The following FBXL17 variants were observed in gnomAD, a reference collection of about 807,000 sequenced individuals.
FBXL17 encodes the protein F-box/LRR-repeat protein 17.
In FBXL17, 22 loss-of-function variants were observed where a neutral mutation model predicts 66.2. The ratio of observed to expected loss-of-function variants is 0.33; its 90% CI spans 0.24 to 0.47. FBXL17 has a LOEUF of 0.47. FBXL17 is among the 20% of genes least tolerant of loss of function. The pLI is 1.00. For missense variants in FBXL17, 878 were observed against 948.2 expected (o/e 0.93, Z 0.97); for synonymous variants, 474 against 400.5 (o/e 1.18, Z -2.19).
At chr5:108,194,009 C>A (rs1753576016) in intron 5 of FBXL17, among the ~76,000 whole-genome samples, 1 of 152,084 alleles carries the variant, frequency 6.6e-6, no homozygotes, top group Admixed American at 6.6e-5. Flanking sequence ...TTTGCCACAT[C>A]ACTAGCCAGA....
chr5:108,105,856 T>C (rs1290084044), intron 6 of FBXL17, among the ~76,000 whole-genome samples: 2 of 152,184 alleles, frequency 1.3e-5, no homozygotes, highest in East Asian at 3.9e-4. Flanking sequence ...TTATTTAATA[T>C]CTCTCCTTAT....
chr5:108,130,826 A>G (rs1394560395), intron 6 of FBXL17, among the ~76,000 whole-genome samples: 1 of 152,106 alleles, frequency 6.6e-6, no homozygotes, highest in Non-Finnish European at 1.5e-5. Context: ...TTCAATTAAT[A>G]ACACTATATT....
chr5:108,114,524 C>T (rs1459243779), intron 6 of FBXL17, among the ~76,000 whole-genome samples: 2 of 151,938 alleles, frequency 1.3e-5, no homozygotes, highest in Non-Finnish European at 2.9e-5. Context: ...GTTCAGTAGC[C>T]CCACATTCTT....
rs768837022 is a variant in FBXL17 at position 107,861,692 on chromosome 5, T to A, written c.*28A>T. On this transcript the variant is annotated 3_prime_UTR_variant, in exon 9 of 9. Transcript: ENST00000542267. Reference sequence around the variant, plus strand: ...AATTCTCCTCTGCTCTGCTGAATGATCCCAGTGGACTAGGCGAGGCAGGAG... The same window carrying A: ...AATTCTCCTCTGCTCTGCTGAATGAACCCAGTGGACTAGGCGAGGCAGGAG... The A allele has an allele frequency of 4.6e-6, 7 of 1,537,864 alleles. No homozygotes were observed. The highest frequency in any genetic ancestry group is 5.3e-6 in the Non-Finnish European group (6 of 1,138,592).
chr5:108,288,761 AT>A (rs1757999803), intron 4 of FBXL17, among the ~76,000 whole-genome samples: 1 of 152,140 alleles, frequency 6.6e-6, no homozygotes, highest in East Asian at 1.9e-4. Flanking sequence ...AGAAAATACA[AT>A]AACAAAAAAG....
At chr5:108,207,141 C>G (rs1754155054) in intron 5 of FBXL17, among the ~76,000 whole-genome samples, 1 of 152,024 alleles carries the variant, frequency 6.6e-6, no homozygotes, top group African/African-American at 2.4e-5. Context: ...AATGTGGTCT[C>G]CCCGACCCCC....
intron 7 of FBXL17, among the ~76,000 whole-genome samples, chr5:107,974,193 G>T (rs1429974537): frequency 1.3e-5 from 2 of 152,034 alleles, no homozygotes; most frequent in Non-Finnish European, 2.9e-5. Flanking sequence ...AAATGTAAAA[G>T]AATGTTTAAG....
At chr5:108,058,999 A>T (rs902098654) in intron 6 of FBXL17, among the ~76,000 whole-genome samples, 7 of 152,216 alleles carry the variant, frequency 4.6e-5, no homozygotes, top group Non-Finnish European at 1.0e-4. Context: ...ATCATTCTGG[A>T]ACCCTCAGAT....
intron 7 of FBXL17, among the ~76,000 whole-genome samples, chr5:107,908,386 T>C (rs1749832726): frequency 6.6e-6 from 1 of 152,194 alleles, no homozygotes; most frequent in Non-Finnish European, 1.5e-5. Context: ...AGGTTAAGTT[T>C]CAGGCACAAT....
intron 6 of FBXL17, among the ~76,000 whole-genome samples, chr5:108,071,247 A>G (rs1748318783): frequency 6.6e-6 from 1 of 152,190 alleles, no homozygotes; most frequent in African/African-American, 2.4e-5. Context: ...TCAGCAGTAG[A>G]AATGTGAGTA....
chr5:108,131,419 C>T (rs865910013), intron 6 of FBXL17, among the ~76,000 whole-genome samples: 8 of 152,032 alleles, frequency 5.3e-5, no homozygotes, highest in African/African-American at 1.9e-4. Flanking sequence ...TGACTATAAA[C>T]GATTTAAAAT....
intron 7 of FBXL17, among the ~76,000 whole-genome samples, chr5:107,984,391 G>T (rs1009229575): frequency 3.3e-5 from 5 of 152,104 alleles, no homozygotes; most frequent in African/African-American, 1.2e-4. Context: ...CATATTGTTG[G>T]AATGACAGTA....
chr5:107,981,343 G>A (rs1054238214), intron 7 of FBXL17, among the ~76,000 whole-genome samples: 19 of 152,230 alleles, frequency 1.2e-4, no homozygotes, highest in African/African-American at 4.6e-4. Flanking sequence ...CTTCTTTACT[G>A]TTTCTGCACA....
intron 6 of FBXL17, among the ~76,000 whole-genome samples, chr5:108,181,127 G>C (rs893007204): frequency 1.3e-5 from 2 of 152,112 alleles, no homozygotes; most frequent in African/African-American, 4.8e-5. Flanking sequence ...CACATCAGCT[G>C]TTACACCCAA....
chr5:107,994,982 G>C (rs1166420789), intron 7 of FBXL17, among the ~76,000 whole-genome samples: 3 of 152,170 alleles, frequency 2.0e-5, no homozygotes, highest in Admixed American at 1.3e-4. Context: ...CTCGGGGTAG[G>C]GTAATGACTG....
chr5:108,143,206 G>A (rs1281132108), intron 6 of FBXL17, among the ~76,000 whole-genome samples: 2 of 151,844 alleles, frequency 1.3e-5, no homozygotes, highest in African/African-American at 4.8e-5. Flanking sequence ...GGGGACCACT[G>A]CCTTACATGA....
intron 5 of FBXL17, 50 bp downstream of exon 5, chr5:108,224,071 C>T: frequency 1.1e-6 from 1 of 900,506 alleles, no homozygotes; most frequent in Non-Finnish European, 1.8e-6. Context: ...TAGGGCTCAT[C>T]ACCTGTATGA....
chr5:107,980,933 C>T (rs1194376043), intron 7 of FBXL17, among the ~76,000 whole-genome samples: 3 of 151,754 alleles, frequency 2.0e-5, no homozygotes, highest in South Asian at 2.1e-4. Flanking sequence ...CATGAGGCAC[C>T]GCGCCCGGCC....
At chr5:108,330,714 A>G (rs1760080564) in intron 4 of FBXL17, among the ~76,000 whole-genome samples, 2 of 152,126 alleles carry the variant, frequency 1.3e-5, no homozygotes, top group South Asian at 4.1e-4. Flanking sequence ...TCATCATCAC[A>G]GGTACACACA....
Sources: gnomAD v4.1 joint callset for allele counts (sites outside exome capture counted in the v4.1 genomes callset) on GRCh38, gnomAD v4.1.1 for gene constraint, MANE v1.5 for transcripts, NCBI Gene and HGNC (gene_info 2026-07-23, HGNC 2026-07-21) for gene names.